Variants in CCDC171 observed in about 807,000 individuals in gnomAD.
The protein encoded by CCDC171 is coiled-coil domain containing 171.
Under a neutral mutation model 168.2 loss-of-function variants are expected in CCDC171, and 177 were observed. The ratio of observed to expected loss-of-function variants is 1.05; its 90% CI spans 0.93 to 1.19. The LOEUF (loss-of-function observed/expected upper bound fraction) is 1.19, where lower values mean the gene tolerates loss of function less well. Among genes scored for constraint, CCDC171 ranks in the 50% most tolerant of loss-of-function variants. The pLI is 0.00. For missense variants in CCDC171, 1,991 were observed against 1,539.0 expected, an observed-to-expected ratio of 1.29 and a Z score of -4.91; for synonymous variants, 687 against 540.8, an observed-to-expected ratio of 1.27 and a Z score of -3.75.
intron 3 of CCDC171, among the ~76,000 whole-genome samples, chr9:15,989,034 C>CCT (rs1832094937): frequency 6.6e-6 from 1 of 152,178 alleles, no homozygotes; most frequent in Non-Finnish European, 1.5e-5. Context: ...GCAGCAGAAA[C>CCT]CTCTGCAGAC....
chr9:16,045,981 T>C (rs893062371), intron 1 of CCDC171, among the ~76,000 whole-genome samples: 7 of 152,114 alleles, frequency 4.6e-5, no homozygotes, highest in Non-Finnish European at 1.5e-5. Context: ...AGGGAGGCAA[T>C]TTCCTTATGG....
intron 7 of CCDC171, among the ~76,000 whole-genome samples, chr9:15,626,418 T>G (rs1366558659): frequency 1.3e-5 from 2 of 152,222 alleles, no homozygotes; most frequent in African/African-American, 4.8e-5. Flanking sequence ...GCTTCCAGTT[T>G]TTGCCCATTT....
intron 21 of CCDC171, among the ~76,000 whole-genome samples, chr9:15,818,447 A>G (rs1481345395): frequency 8.6e-6 from 1 of 116,556 alleles, no homozygotes; most frequent in Non-Finnish European, 1.9e-5. Flanking sequence ...AAAACCTTTA[A>G]AAAAAAATTA....
Position 15,557,198 on chromosome 9 carries a change from T to G in CCDC171, c.-112+3896T>G, listed in dbSNP as rs201921272. 3.2e-3 allele frequency among the ~76,000 whole-genome samples: 484 copies of G among 152,280 alleles called. 4 individuals carry two copies. The highest frequency in any genetic ancestry group is 0.011 in the African/African-American group (455 of 41,570). On this transcript the variant is annotated intron_variant, in intron 1 of 25. Coordinates refer to ENST00000380701, the MANE Select transcript of CCDC171 (RefSeq NM_173550.4). ...GTGATGCCTCCAGCTTTGTTCTTTT[T>G]GCTTAGGATTGTCTTGGCAATGTGG...
At chr9:15,589,922 A>G (rs1353347743) in intron 4 of CCDC171, among the ~76,000 whole-genome samples, 2 of 152,244 alleles carry the variant, frequency 1.3e-5, no homozygotes, top group Non-Finnish European at 2.9e-5. Context: ...TAAATCATCA[A>G]TGAAAATAAC....
intron 6 of CCDC171, among the ~76,000 whole-genome samples, chr9:15,597,758 G>C (rs2131583747): frequency 6.6e-6 from 1 of 152,278 alleles, no homozygotes; most frequent in Middle Eastern, 3.4e-3. Context: ...GAATTCGGCT[G>C]TGAATCCATC....
chr9:15,671,008 C>G (rs1032259721), intron 9 of CCDC171, among the ~76,000 whole-genome samples: 3 of 152,080 alleles, frequency 2.0e-5, no homozygotes, highest in South Asian at 2.1e-4. Context: ...ATAAGGATTG[C>G]TTATGCTGAG....
intron 21 of CCDC171, among the ~76,000 whole-genome samples, chr9:15,813,853 T>G (rs7857495): frequency 0.46 from 69,365 of 151,810 alleles, 16,138 homozygotes; most frequent in African/African-American, 0.53. Flanking sequence ...TGCAGCCATG[T>G]TAGATCTAGT....
intron 25 of CCDC171, among the ~76,000 whole-genome samples, chr9:15,959,172 G>C (rs1388887316): frequency 1.3e-5 from 2 of 152,100 alleles, no homozygotes; most frequent in Non-Finnish European, 2.9e-5. Context: ...CTGCTGAATA[G>C]CTTTGTGTTT....
intron 24 of CCDC171, among the ~76,000 whole-genome samples, chr9:15,884,014 G>C (rs949880515): frequency 6.6e-6 from 1 of 152,178 alleles, no homozygotes; most frequent in Non-Finnish European, 1.5e-5. Context: ...ACCAGTAGCA[G>C]GGATTCTCAT....
At chr9:15,875,134 G>A (rs576725323) in intron 24 of CCDC171, 1 of 151,972 alleles carries the variant, frequency 6.6e-6, no homozygotes, top group African/African-American at 2.4e-5. Flanking sequence ...TTCTTATGAA[G>A]TAATTTAATT....
chr9:15,589,398 C>A (rs1301640775), intron 4 of CCDC171, among the ~76,000 whole-genome samples: 1 of 152,150 alleles, frequency 6.6e-6, no homozygotes. Context: ...AAAATAGCAG[C>A]CCTTCTGTTT....
At chr9:16,037,133 G>A (rs973790493) in intron 8 of CCDC171, among the ~76,000 whole-genome samples, 3 of 152,200 alleles carry the variant, frequency 2.0e-5, no homozygotes, top group Non-Finnish European at 2.9e-5. Flanking sequence ...CAAATAGCTA[G>A]AAGAGAGGAT....
intron 25 of CCDC171, among the ~76,000 whole-genome samples, chr9:15,963,976 T>C (rs1394281903): frequency 6.6e-6 from 1 of 152,186 alleles, no homozygotes; most frequent in African/African-American, 2.4e-5. Flanking sequence ...AGTGCCTCCT[T>C]CTTTGCTCCA....
At chr9:15,897,884 G>A in intron 24 of CCDC171, among the ~76,000 whole-genome samples, 1 of 152,150 alleles carries the variant, frequency 6.6e-6, no homozygotes, top group South Asian at 2.1e-4. Flanking sequence ...GTGAACATGG[G>A]CTTTGGAATT....
At chr9:15,901,596 A>G (rs568849134) in intron 24 of CCDC171, among the ~76,000 whole-genome samples, 1 of 152,332 alleles carries the variant, frequency 6.6e-6, no homozygotes, top group South Asian at 2.1e-4. Flanking sequence ...TTTGTTGACT[A>G]TAAATACATG....
chr9:15,930,111 G>A (rs1207404643), intron 25 of CCDC171, among the ~76,000 whole-genome samples: 1 of 151,590 alleles, frequency 6.6e-6, no homozygotes, highest in East Asian at 1.9e-4. Context: ...ATAATGATCA[G>A]ATTTTAATAA....
intron 21 of CCDC171, among the ~76,000 whole-genome samples, chr9:15,807,944 T>A (rs959891170): frequency 6.6e-6 from 1 of 151,722 alleles, no homozygotes; most frequent in African/African-American, 2.4e-5. Flanking sequence ...CTTATTAGGT[T>A]TTTTTGCCCT....
intron 25 of CCDC171, among the ~76,000 whole-genome samples, chr9:15,951,159 C>G (rs955728029): frequency 6.6e-6 from 1 of 150,566 alleles, no homozygotes; most frequent in African/African-American, 2.4e-5. Context: ...ACTTAGACTC[C>G]TACACATTAA....
Sources: allele counts gnomAD v4.1 joint callset (sites outside exome capture counted in the v4.1 genomes callset), GRCh38; gene constraint gnomAD v4.1.1; transcripts MANE v1.5; gene names NCBI Gene and HGNC (gene_info 2026-07-23, HGNC 2026-07-21).